The following ZNF844 variants were observed in gnomAD, a reference collection of about 807,000 sequenced individuals.
ZNF844 encodes the protein zinc finger protein 844.
ZNF844 carries 11 observed loss-of-function variants against 11.4 expected under a neutral mutation model. The ratio of observed to expected loss-of-function variants is 0.97; its 90% CI spans 0.61 to 1.60. The LOEUF (loss-of-function observed/expected upper bound fraction) is 1.60. ZNF844 is among the 40% of genes most tolerant of loss of function. The pLI, the probability that ZNF844 is intolerant of heterozygous loss-of-function variation, is 0.00. For synonymous variants in ZNF844, 248 were observed against 260.3 expected (o/e 0.95, Z 0.46); for missense variants, 790 against 796.8 (o/e 0.99, Z 0.10).
rs1568361539 is a variant in ZNF844 at position 12,076,915 on chromosome 19, AG to A, written c.1796del (p.Arg599AsnfsTer16). On this transcript the variant is annotated frameshift_variant, in exon 4 of 4. Coordinates refer to ENST00000439326, the MANE Select transcript of ZNF844 (RefSeq NM_001136501.3). LOFTEE classifies it low-confidence loss of function (END_TRUNC). Reference protein sequence around the residue: ...KSVTKHSYLPRSFEYMQEHTL... With the variant: ...KSVTKHSYLPXSFEYMQEHTL... ...TGTGACAAAGCATTCATATCTGCCA[AG>A]ATCCTTCGAGTACATGCAAGAACAC... 1 of 1,591,550 alleles carries A rather than the reference AG, an allele frequency of 6.3e-7. No individual in the cohort carries two copies. The highest frequency in any genetic ancestry group is 1.1e-5 in the South Asian group (1 of 88,090).
Position 12,077,653 on chromosome 19 carries a change from A to G in ZNF844, c.*532A>G, listed in dbSNP as rs924037810. The G allele has an allele frequency of 2.2e-5, 12 of 534,576 alleles. No homozygotes were observed. The African/African-American group carries it at 2.3e-4, about 10-fold the overall frequency. 33.1% of individuals were successfully genotyped at this position (534,576 alleles called of 1,614,324 possible). A position where few individuals can be genotyped will look rare whatever the true frequency, so the allele number is the denominator to read the frequency against. On this transcript the variant is annotated 3_prime_UTR_variant, in exon 4 of 4. Coordinates refer to ENST00000439326, the MANE Select transcript of ZNF844 (RefSeq NM_001136501.3). ...CCCTATGAATGTAAGCAATGTGGGA[A>G]AGCCTACAGATCTGTCTCACAACTT...
chr19:12,077,024 GCA>G lies in ZNF844; in HGVS notation c.1908_1909del (p.Leu637GlyfsTer6). On this transcript the variant is annotated frameshift_variant, in exon 4 of 4. Transcript: ENST00000439326. LOFTEE classifies it low-confidence loss of function (END_TRUNC). ...CTTCTTTGCGTATACACAAAAGGATGCACACTGGAGAGAAACCATATTAATGT... is the reference window on the plus strand; with the variant it reads ...CTTCTTTGCGTATACACAAAAGGATGCACTGGAGAGAAACCATATTAATGT... The G allele has an allele frequency of 6.3e-7, 1 of 1,594,398 alleles. No homozygotes were observed. The highest frequency in any genetic ancestry group is 1.1e-5 in the South Asian group (1 of 88,844).
intron 1 of ZNF844, among the ~76,000 whole-genome samples, chr19:12,067,317 A>C (rs1179432185): frequency 1.3e-5 from 2 of 152,124 alleles, no homozygotes; most frequent in African/African-American, 4.8e-5. Flanking sequence ...CTGTCTCAAA[A>C]ATAAGAAAAT....
chr19:12,073,550 A>C (rs1389167197), intron 1 of ZNF844, among the ~76,000 whole-genome samples: 2 of 151,498 alleles, frequency 1.3e-5, no homozygotes, highest in Middle Eastern at 3.4e-3. Flanking sequence ...CCCCTTGCAA[A>C]ATCCAGTTTT....
Position 12,075,913 on chromosome 19 carries a change from C to G in ZNF844, c.793C>G (p.Pro265Ala), listed in dbSNP as rs754031404. ...GGAATGTGGGAAAGCATTCGGTAGTCCCAATTCCCTTTATGAACATAGAAG... is the reference window on the plus strand; with the variant it reads ...GGAATGTGGGAAAGCATTCGGTAGTGCCAATTCCCTTTATGAACATAGAAG... ...CKECGKAFGS[P>A]NSLYEHRRTH... is the part of the protein sequence containing the mutation. Residue 265 changes from proline (P) to alanine (A), a missense_variant, in exon 4 of 4, where the codon CCC (proline) becomes GCC (alanine). Pro to Ala is a conservative substitution (Grantham distance 27). Transcript: ENST00000439326. 6.2e-7 allele frequency: 1 copy of G among 1,602,602 alleles called. No individual in the cohort carries two copies. Among genetic ancestry groups the G allele is most frequent in the Non-Finnish European group, 8.5e-7 (1 of 1,174,026 alleles).
Position 12,076,064 on chromosome 19 carries a change from G to C in ZNF844, c.944G>C (p.Gly315Ala). 2 of 1,563,652 alleles carry C rather than the reference G, an allele frequency of 1.3e-6. No individual in the cohort carries two copies. The highest frequency in any genetic ancestry group is 1.7e-6 in the Non-Finnish European group (2 of 1,153,370). ...EEKAYECTKCGKAFKCPSYLC... is the reference protein window; with the variant it reads ...EEKAYECTKCAKAFKCPSYLC... Reference sequence around the variant, plus strand: ...AAGGCTTATGAATGTACCAAATGTGGGAAAGCATTCAAGTGTCCCAGTTAT... The same window carrying C: ...AAGGCTTATGAATGTACCAAATGTGCGAAAGCATTCAAGTGTCCCAGTTAT... Residue 315 changes from glycine (G) to alanine (A), a missense_variant, in exon 4 of 4, where the codon GGG (glycine) becomes GCG (alanine). Gly to Ala is a moderately conservative substitution (Grantham distance 60). Around this residue, in one of 3 missense-constraint regions of ZNF844, gnomAD observed 657 missense variants for 636.2 expected, o/e 1.03. Coordinates refer to ENST00000439326, the MANE Select transcript of ZNF844 (RefSeq NM_001136501.3).
In ZNF844 at chr19:12,076,522, G is replaced by T. The variant is rs1463017879; in HGVS notation, c.1402G>T (p.Gly468Ter). 2 of 1,610,330 alleles carry T rather than the reference G, an allele frequency of 1.2e-6. No homozygotes were observed. The highest frequency in any genetic ancestry group is 1.3e-5 in the African/African-American group (1 of 74,558). ...DLPHTFKCME[G>*]LTLKRNPMNV... Reference sequence around the variant, plus strand: ...GCCTCACACCTTCAAATGCATGGAAGGACTCACACTCAAGAGAAACCCTAT... The same window carrying T: ...GCCTCACACCTTCAAATGCATGGAATGACTCACACTCAAGAGAAACCCTAT... Residue 468 changes from glycine (G) to a stop codon, truncating the protein, a stop_gained, in exon 4 of 4, where the codon GGA (glycine) becomes TGA (stop). Transcript: ENST00000439326. LOFTEE classifies it low-confidence loss of function (END_TRUNC).
At position 12,081,060 on chromosome 19, in the gene ZNF844, T is replaced by G. The variant is rs1276030319; in HGVS notation, c.*3939T>G. ...GTGATCCACTGTGCCTGGCCTGGTG[T>G]TTCTTTAGGTATAATGTCTTTACCA... is the stretch of plus-strand genomic sequence containing the variant. On this transcript the variant is annotated 3_prime_UTR_variant, in exon 4 of 4. Coordinates refer to ENST00000439326, the MANE Select transcript of ZNF844 (RefSeq NM_001136501.3). The G allele has an allele frequency of 6.6e-6, 1 of 152,280 alleles. No homozygotes were observed. Among genetic ancestry groups the G allele is most frequent in the Non-Finnish European group, 1.5e-5 (1 of 68,084 alleles). The allele number at this position is 152,280 out of a possible 1,614,324, so 9.4% of individuals were successfully genotyped here. A position where few individuals can be genotyped will look rare whatever the true frequency, so the allele number is the denominator to read the frequency against.
At chr19:12,067,080 G>C (rs1313187685) in intron 1 of ZNF844, among the ~76,000 whole-genome samples, 2 of 152,052 alleles carry the variant, frequency 1.3e-5, no homozygotes, top group Non-Finnish European at 2.9e-5. Context: ...CGCTCCTGTA[G>C]TCCCAGCTAC....
Position 12,075,662 on chromosome 19 carries a change from A to G in ZNF844, c.542A>G (p.His181Arg). Residue 181 changes from histidine to arginine, a missense_variant, in exon 4 of 4, where the codon CAT (histidine) becomes CGT (arginine). His to Arg is a conservative substitution (Grantham distance 29). Around this residue, in one of 3 missense-constraint regions of ZNF844, gnomAD observed 657 missense variants for 636.2 expected, o/e 1.03. Transcript: ENST00000439326. ...GAATGTGGAAAAACCTTCATATCCC[A>G]TTCAAGCATTCAAAGACACATGATA... is the stretch of plus-strand genomic sequence containing the variant. Reference protein sequence around the residue: ...CKECGKTFISHSSIQRHMIMH... With the variant: ...CKECGKTFISRSSIQRHMIMH... The G allele has an allele frequency of 6.2e-7, 1 of 1,611,988 alleles. No individual in the cohort carries two copies. Among genetic ancestry groups the G allele is most frequent in the South Asian group, 1.1e-5 (1 of 90,678 alleles).
rs935364267 is a variant in ZNF844 at position 12,077,654 on chromosome 19, A to G, written c.*533A>G. On this transcript the variant is annotated 3_prime_UTR_variant, in exon 4 of 4. Transcript: ENST00000439326. ...CCTATGAATGTAAGCAATGTGGGAA[A>G]GCCTACAGATCTGTCTCACAACTTC... 5.6e-6 allele frequency: 3 copies of G among 534,778 alleles called. No individual in the cohort carries two copies. Among genetic ancestry groups the G allele is most frequent in the Non-Finnish European group, 1.1e-5 (3 of 267,834 alleles). The allele number at this position is 534,778 out of a possible 1,614,324, so 33.1% of individuals were successfully genotyped here.
chr19:12,067,772 C>T (rs1251639742), intron 1 of ZNF844, among the ~76,000 whole-genome samples: 1 of 150,688 alleles, frequency 6.6e-6, no homozygotes, highest in African/African-American at 2.4e-5. Context: ...AAAAATTAGC[C>T]GGGCGTGGTA....
Position 12,079,204 on chromosome 19 carries a change from C to T in ZNF844, c.*2083C>T, listed in dbSNP as rs1975865640. ...AGGATGCACAATAAAGAGAGACCCT[C>T]TGAATGCAAGCAATATGGAAAAGCA... On this transcript the variant is annotated 3_prime_UTR_variant, in exon 4 of 4. Coordinates refer to ENST00000439326, the MANE Select transcript of ZNF844 (RefSeq NM_001136501.3). 1.3e-5 allele frequency: 2 copies of T among 152,130 alleles called. No homozygotes were observed. Among genetic ancestry groups the T allele is most frequent in the Admixed American group, 1.3e-4 (2 of 15,254 alleles). The allele number at this position is 152,130 out of a possible 1,614,324, so 9.4% of individuals were successfully genotyped here. A position where few individuals can be genotyped will look rare whatever the true frequency, so the allele number is the denominator to read the frequency against.
chr19:12,070,778 A>G (rs750090290), intron 1 of ZNF844, among the ~76,000 whole-genome samples: 129 of 152,190 alleles, frequency 8.5e-4, no homozygotes, highest in Non-Finnish European at 1.5e-3. Context: ...TTATAGGACA[A>G]TTTAATATGG....
At chr19:12,069,178 C>CGTTTTTT (rs760998604) in intron 1 of ZNF844, among the ~76,000 whole-genome samples, 2 of 137,488 alleles carry the variant, frequency 1.5e-5, no homozygotes, top group Admixed American at 7.1e-5. Context: ...TTCTTTTATT[C>CGTTTTTT]CTTTTTTTTT....
Position 12,080,346 on chromosome 19 carries a change from CAAAAAAAAA to C in ZNF844, c.*3237_*3245del, listed in dbSNP as rs61413798. 7 of 169,246 alleles carry C rather than the reference CAAAAAAAAA, an allele frequency of 4.1e-5. No individual in the cohort carries two copies. The highest frequency in any genetic ancestry group is 1.1e-4 in the Admixed American group (1 of 8,772). 10.5% of individuals were successfully genotyped at this position (169,246 alleles called of 1,614,324 possible). On this transcript the variant is annotated 3_prime_UTR_variant, in exon 4 of 4. Coordinates refer to ENST00000439326, the MANE Select transcript of ZNF844 (RefSeq NM_001136501.3). ...GCGGCGACAGAGCAAGACTCCGTCT[CAAAAAAAAA>C]AAAAAAAAAAAGAGAAGTCTGACAG...
At position 12,075,671 on chromosome 19, in the gene ZNF844, T is replaced by C; in HGVS notation, c.551T>C (p.Ile184Thr). Residue 184 changes from isoleucine (I) to threonine (T), a missense_variant, in exon 4 of 4, where the codon ATT (isoleucine) becomes ACT (threonine). Ile to Thr is a moderately conservative substitution (Grantham distance 89). Transcript: ENST00000439326. ...AAAACCTTCATATCCCATTCAAGCA[T>C]TCAAAGACACATGATAATGCACAAT... is the stretch of plus-strand genomic sequence containing the variant. ...CGKTFISHSS[I>T]QRHMIMHNGD... 6.2e-7 allele frequency: 1 copy of C among 1,612,540 alleles called. No individual in the cohort carries two copies. Among genetic ancestry groups the C allele is most frequent in the Non-Finnish European group, 8.5e-7 (1 of 1,179,588 alleles).
intron 1 of ZNF844, among the ~76,000 whole-genome samples, chr19:12,065,143 C>T (rs1222773602): frequency 1.3e-5 from 2 of 152,036 alleles, no homozygotes; most frequent in Non-Finnish European, 2.9e-5. Flanking sequence ...TGGACAGCTC[C>T]GCGCCCGCAG....
rs1289330460 is a variant in ZNF844 at position 12,076,162 on chromosome 19, T to C, written c.1042T>C (p.Tyr348His). The C allele has an allele frequency of 1.3e-6, 2 of 1,579,018 alleles. No homozygotes were observed. Among genetic ancestry groups the C allele is most frequent in the Non-Finnish European group, 1.7e-6 (2 of 1,161,594 alleles). The change falls in exon 4 of 4, where the codon TAT (tyrosine) becomes CAT (histidine). Residue 348 changes from tyrosine (Y) to histidine (H), a missense_variant. This residue lies in a region of ZNF844 where 657 missense variants were observed against 636.2 expected (regional missense o/e 1.03). Coordinates refer to ENST00000439326, the MANE Select transcript of ZNF844 (RefSeq NM_001136501.3). ...ECKQCGKALS[Y>H]LNFQRHMKMH... ...TAAACAATGTGGGAAAGCATTATCTTATCTTAACTTTCAAAGACACATGAA... is the reference window on the plus strand; with the variant it reads ...TAAACAATGTGGGAAAGCATTATCTCATCTTAACTTTCAAAGACACATGAA...
Sources: gnomAD v4.1 joint callset for allele counts (sites outside exome capture counted in the v4.1 genomes callset) on GRCh38, gnomAD v4.1.1 for gene constraint, gnomAD v4.1.1 regional missense constraint, MANE v1.5 for transcripts, NCBI Gene and HGNC (gene_info 2026-07-23, HGNC 2026-07-21) for gene names.